COP1: variants seen among roughly 807,000 people sequenced by gnomAD.
The protein encoded by COP1 is E3 ubiquitin-protein ligase COP1.
A neutral mutation model predicts 101.3 loss-of-function variants in COP1; 24 were observed. That is an observed-to-expected ratio of 0.24 (90% CI 0.17 to 0.33). COP1 has a LOEUF of 0.33. Ranked by LOEUF, COP1 falls within the 10% of genes least tolerant of loss-of-function variation. The pLI is 1.00. For synonymous variants in COP1, 347 were observed against 341.9 expected, an observed-to-expected ratio of 1.01 and a Z score of -0.17; for missense variants, 663 against 906.2, an observed-to-expected ratio of 0.73 and a Z score of 3.45.
chr1:176,124,121 T>G (rs1029221019), intron 8 of COP1, among the ~76,000 whole-genome samples: 18 of 152,250 alleles, frequency 1.2e-4, no homozygotes, highest in Middle Eastern at 3.4e-3. Context: ...TTTTTTAAAT[T>G]TTTAGTGTTT....
Position 175,975,272 on chromosome 1 carries a change from A to T in COP1, c.2133+11671T>A, listed in dbSNP as rs111788931. ...TACTAATATTATCCCCCACCCCAAA[A>T]CCTTCCCCACTCCCACCACCATTAG... On this transcript the variant is annotated intron_variant, in intron 18 of 19. Transcript: ENST00000367669. 2.7e-4 allele frequency among the ~76,000 whole-genome samples: 41 copies of T among 152,050 alleles called. 1 individual carries two copies. Among genetic ancestry groups the T allele is most frequent in the African/African-American group, 9.2e-4 (38 of 41,476 alleles).
chr1:176,082,882 C>T (rs1239112015), intron 10 of COP1, among the ~76,000 whole-genome samples: 1 of 151,442 alleles, frequency 6.6e-6, no homozygotes, highest in African/African-American at 2.4e-5. Context: ...AGCTTTTGTC[C>T]CTGATATTTT....
At chr1:176,202,749 T>C (rs1700399724) in intron 1 of COP1, among the ~76,000 whole-genome samples, 5 of 152,018 alleles carry the variant, frequency 3.3e-5, no homozygotes, top group Admixed American at 3.3e-4. Context: ...TAAAATGTAA[T>C]TAATAGGTAA....
intron 9 of COP1, among the ~76,000 whole-genome samples, chr1:176,111,503 C>T (rs1685284867): frequency 1.3e-5 from 2 of 152,044 alleles, no homozygotes; most frequent in South Asian, 4.1e-4. Context: ...CCGTGTTGGC[C>T]AGGATGGTTT....
chr1:176,028,389 A>AC (rs1175345498), intron 14 of COP1, among the ~76,000 whole-genome samples: 1 of 151,614 alleles, frequency 6.6e-6, no homozygotes, highest in Non-Finnish European at 1.5e-5. Flanking sequence ...ACATGGTGAA[A>AC]CCCTGCCTCT....
At chr1:176,048,014 AG>A (rs1671807049) in intron 11 of COP1, among the ~76,000 whole-genome samples, 2 of 151,910 alleles carry the variant, frequency 1.3e-5, no homozygotes, top group Non-Finnish European at 2.9e-5. Context: ...TTGAAGCTGC[AG>A]TAAGCCATGA....
chr1:176,118,358 T>G (rs1686555657), intron 8 of COP1, among the ~76,000 whole-genome samples: 1 of 152,142 alleles, frequency 6.6e-6, no homozygotes, highest in Non-Finnish European at 1.5e-5. Flanking sequence ...CTTTTTTTTT[T>G]AAGGCATAGT....
intron 5 of COP1, among the ~76,000 whole-genome samples, chr1:176,158,386 G>T (rs139032433): frequency 6.6e-6 from 1 of 151,980 alleles, no homozygotes; most frequent in Non-Finnish European, 1.5e-5. Context: ...CTAAAGAAAT[G>T]GTAAATGATG....
chr1:175,988,468 A>G, intron 16 of COP1, 56 bp from the exon 17 acceptor site: 2 of 1,490,394 alleles, frequency 1.3e-6, no homozygotes, highest in Non-Finnish European at 1.8e-6. Context: ...CACGAAACTC[A>G]TCACTACTAA....
At chr1:176,148,393 T>C (rs192661461) in intron 6 of COP1, among the ~76,000 whole-genome samples, 1 of 138,706 alleles carries the variant, frequency 7.2e-6, no homozygotes, top group Non-Finnish European at 1.6e-5. Context: ...GTTAGAAATT[T>C]AAAAAAAAAA....
chr1:175,972,483 T>TTTTTTTTTTTTCTA (rs1553281799), intron 18 of COP1, among the ~76,000 whole-genome samples: 1 of 150,012 alleles, frequency 6.7e-6, no homozygotes, highest in African/African-American at 2.5e-5. Context: ...TTTTTTTTTT[T>TTTTTTTTTTTTCTA]GAGACAGAGT....
At chr1:176,190,886 TA>T (rs566818926) in intron 1 of COP1, among the ~76,000 whole-genome samples, 45 of 149,372 alleles carry the variant, frequency 3.0e-4, no homozygotes, top group African/African-American at 1.1e-3. Flanking sequence ...TGGTTCCAAC[TA>T]AAAAAAAAAT....
intron 1 of COP1, among the ~76,000 whole-genome samples, chr1:176,202,620 C>T (rs1700387238): frequency 6.6e-6 from 1 of 151,614 alleles, no homozygotes; most frequent in South Asian, 2.1e-4. Flanking sequence ...ATTGCTTGAG[C>T]CCAGGAGTTT....
intron 11 of COP1, 124 bp from the exon 12 acceptor site, chr1:176,046,448 T>A: frequency 1.2e-6 from 1 of 839,830 alleles, no homozygotes; most frequent in South Asian, 1.7e-5. Context: ...AGACCTCATA[T>A]CCAGATTAAG....
In COP1 at chr1:175,977,761, C is replaced by A. The variant is rs1361132206; in HGVS notation, c.2133+9182G>T. ...ACTGCCATCCATTTTCTAAGCAAAA[C>A]ATACTTATTTTTGCTTAGTTAATTC... On this transcript the variant is annotated intron_variant, in intron 18 of 19. Transcript: ENST00000367669. Among the ~76,000 whole-genome samples, 3 of 152,096 alleles carry A rather than the reference C, an allele frequency of 2.0e-5. 1 individual carries two copies. The South Asian group carries it at 6.2e-4, about 31-fold the overall frequency.
intron 15 of COP1, 129 bp from the exon 16 acceptor site, chr1:175,989,608 A>G (rs887007660): frequency 1.4e-5 from 8 of 566,850 alleles, no homozygotes; most frequent in Admixed American, 2.9e-5. Flanking sequence ...GCCAGAAAAC[A>G]AAGGAAAAGG....
chr1:176,056,536 G>C (rs551228823), intron 11 of COP1, among the ~76,000 whole-genome samples: 2 of 152,240 alleles, frequency 1.3e-5, no homozygotes, highest in East Asian at 3.9e-4. Flanking sequence ...GTAAGACAAA[G>C]AGAGATTGAT....
chr1:175,953,496 G>T (rs1485253186), intron 18 of COP1, among the ~76,000 whole-genome samples: 2 of 152,070 alleles, frequency 1.3e-5, no homozygotes, highest in East Asian at 1.9e-4. Context: ...GGTGGCTCAT[G>T]CCTGTAATTC....
intron 9 of COP1, among the ~76,000 whole-genome samples, chr1:176,099,871 G>GGATCACCCAACTCAAAA (rs997693128): frequency 1.2e-4 from 19 of 152,154 alleles, no homozygotes; most frequent in African/African-American, 4.6e-4. Flanking sequence ...TAAGAGAGCA[G>GGATCACCCAACTCAAAA]GATCACCCAA....
Sources: allele counts gnomAD v4.1 joint callset (sites outside exome capture counted in the v4.1 genomes callset), GRCh38; gene constraint gnomAD v4.1.1; transcripts MANE v1.5; gene names NCBI Gene and HGNC (gene_info 2026-07-23, HGNC 2026-07-21).